The following SEC14L5 variants were observed in gnomAD, a reference collection of about 807,000 sequenced individuals.
The protein encoded by SEC14L5 is SEC14-like protein 5.
Under a neutral mutation model 84.6 loss-of-function variants are expected in SEC14L5, and 96 were observed. That is an observed-to-expected ratio of 1.13 (90% CI 0.96 to 1.34). The LOEUF (loss-of-function observed/expected upper bound fraction) is 1.34, where lower values mean the gene tolerates loss of function less well. Among genes scored for constraint, SEC14L5 ranks in the 40% most tolerant of loss-of-function variants. The pLI is 0.00. For synonymous variants in SEC14L5, 546 were observed against 383.4 expected (o/e 1.42, Z -4.95); for missense variants, 1,224 against 942.5 (o/e 1.30, Z -3.91).
At chr16:5,014,018 G>C (rs12051343) in intron 15 of SEC14L5, among the ~76,000 whole-genome samples, 3 of 152,150 alleles carry the variant, frequency 2.0e-5, no homozygotes, top group African/African-American at 7.2e-5. Flanking sequence ...AACAAGCTCC[G>C]GGCACTGCTG....
At chr16:5,006,130 G>C in intron 12 of SEC14L5, 82 bp downstream of exon 12, 1 of 1,468,956 alleles carries the variant, frequency 6.8e-7, no homozygotes, top group Non-Finnish European at 9.4e-7. Flanking sequence ...CCGGAGTGGG[G>C]CTGGGAGGTG....
intron 6 of SEC14L5, 63 bp from the exon 7 acceptor site, chr16:4,996,285 G>A: frequency 9.9e-7 from 1 of 1,009,082 alleles, no homozygotes; most frequent in East Asian, 2.6e-5. Flanking sequence ...ATGGCACACA[G>A]ACCACATGGT....
rs149895871 is a variant in SEC14L5 at position 4,974,847 on chromosome 16, G to A, written c.64-12710G>A. Among the ~76,000 whole-genome samples, 1,275 of 151,478 alleles carry A rather than the reference G, an allele frequency of 8.4e-3. 14 individuals carry two copies. Among genetic ancestry groups the A allele is most frequent in the Non-Finnish European group, 0.01 (697 of 67,852 alleles). On this transcript the variant is annotated intron_variant, in intron 2 of 15. Transcript: ENST00000251170. ...GGCTGGAGTACAGTGGTGTGATCTCGGCTCACTGCAACCTCTGCCTCCTGT... is the reference window on the plus strand; with the variant it reads ...GGCTGGAGTACAGTGGTGTGATCTCAGCTCACTGCAACCTCTGCCTCCTGT...
At position 4,996,559 on chromosome 16, in the gene SEC14L5, C is replaced by G; in HGVS notation, c.780+99C>G. On this transcript the variant is annotated intron_variant, in intron 7 of 15. Coordinates refer to ENST00000251170, the MANE Select transcript of SEC14L5 (RefSeq NM_014692.2). ...GAAAGGCGAGATGATAATGCTGACA[C>G]ATTATCTCTTGCTTATTTATTTATT... 3 of 662,864 alleles carry G rather than the reference C, an allele frequency of 4.5e-6. No homozygotes were observed. The South Asian group carries it at 5.3e-5, about 12-fold the overall frequency. 41.1% of individuals were successfully genotyped at this position (662,864 alleles called of 1,614,324 possible). A position where few individuals can be genotyped will look rare whatever the true frequency, so the allele number is the denominator to read the frequency against.
Position 5,018,106 on chromosome 16 carries a change from G to T in SEC14L5, c.*3136G>T, listed in dbSNP as rs1596651942. The T allele has an allele frequency of 3.3e-5, 5 of 152,520 alleles. No individual in the cohort carries two copies. Among genetic ancestry groups the T allele is most frequent in the Admixed American group, 2.6e-4 (4 of 15,304 alleles). 9.4% of individuals were successfully genotyped at this position (152,520 alleles called of 1,614,324 possible). ...TCTCTGTGCCTCAGTTTCCTCATCTGTAAAGTGAGGATAGCAGTGCCTACC... is the reference window on the plus strand; with the variant it reads ...TCTCTGTGCCTCAGTTTCCTCATCTTTAAAGTGAGGATAGCAGTGCCTACC... On this transcript the variant is annotated 3_prime_UTR_variant, in exon 16 of 16. Coordinates refer to ENST00000251170, the MANE Select transcript of SEC14L5 (RefSeq NM_014692.2).
In SEC14L5 at chr16:5,008,408, T is replaced by C. The variant is rs535642652; in HGVS notation, c.1573-13T>C. On this transcript the variant is annotated splice_polypyrimidine_tract_variant and intron_variant, in intron 13 of 15. Transcript: ENST00000251170. ...TCGGCCGTGACTCTCAGACCTCGCC[T>C]GTCTCCACACAGGTGGCCGTGGAGA... 1.4e-4 allele frequency: 222 copies of C among 1,595,870 alleles called. 4 individuals are homozygous for C. The South Asian group carries it at 2.3e-3, about 16-fold the overall frequency.
chr16:5,005,874 A>AAAAG, intron 11 of SEC14L5, 40 bp from the exon 12 acceptor site: 1 of 1,502,856 alleles, frequency 6.7e-7, no homozygotes. Flanking sequence ...AAAAAAAAAA[A>AAAAG]AAAAAAAACC....
At chr16:5,011,345 C>A in intron 15 of SEC14L5, 72 bp downstream of exon 15, 1 of 1,470,500 alleles carries the variant, frequency 6.8e-7, no homozygotes, top group Non-Finnish European at 9.3e-7. Flanking sequence ...GATGCCTGGC[C>A]TCCTGTCTCC....
At chr16:5,009,604 G>A (rs192971299) in intron 14 of SEC14L5, among the ~76,000 whole-genome samples, 3 of 152,228 alleles carry the variant, frequency 2.0e-5, no homozygotes, top group East Asian at 1.9e-4. Context: ...GATTAGAGGC[G>A]TGAGCCACCA....
In SEC14L5 at chr16:4,966,208, C is replaced by T. The variant is rs185286581; in HGVS notation, c.63+6822C>T. Among the ~76,000 whole-genome samples, 645 of 151,088 alleles carry T rather than the reference C, an allele frequency of 4.3e-3. 1 individual carries two copies. The highest frequency in any genetic ancestry group is 0.015 in the African/African-American group (621 of 41,132). The stretch of plus-strand genomic sequence containing the variant: ...GTGTCAATCTCCTGACCTCATAATC[C>T]GCCCTCCTCTGCCTCCCAAAGTGCT... On this transcript the variant is annotated intron_variant, in intron 2 of 15. Transcript: ENST00000251170.
intron 6 of SEC14L5, among the ~76,000 whole-genome samples, chr16:4,994,682 A>ATT (rs57838129): frequency 0.14 from 20,792 of 144,316 alleles, 1,603 homozygotes; most frequent in Middle Eastern, 0.18. Flanking sequence ...GTATGTGCAC[A>ATT]TTTTTTTTTT....
chr16:4,971,418 C>T (rs62036178), intron 2 of SEC14L5, among the ~76,000 whole-genome samples: 2,005 of 152,278 alleles, frequency 0.013, 22 homozygotes, highest in Non-Finnish European at 0.023. Flanking sequence ...GTGATCTTGC[C>T]ACTGCACTCC....
intron 2 of SEC14L5, among the ~76,000 whole-genome samples, chr16:4,983,551 C>A (rs1014521113): frequency 2.0e-5 from 3 of 149,796 alleles, no homozygotes; most frequent in Non-Finnish European, 3.0e-5. Flanking sequence ...AACATATATT[C>A]ATATATATTT....
intron 15 of SEC14L5, among the ~76,000 whole-genome samples, chr16:5,014,553 G>A (rs1955848515): frequency 6.6e-6 from 1 of 152,252 alleles, no homozygotes; most frequent in African/African-American, 2.4e-5. Flanking sequence ...AAAGAGTAAG[G>A]AGGGAGTGAG....
rs1304923255 is a variant in SEC14L5 at position 5,015,817 on chromosome 16, G to A, written c.*847G>A. 1.3e-5 allele frequency: 2 copies of A among 152,276 alleles called. No individual in the cohort carries two copies. Among genetic ancestry groups the A allele is most frequent in the Non-Finnish European group, 2.9e-5 (2 of 68,074 alleles). The allele number at this position is 152,276 out of a possible 1,614,324, so 9.4% of individuals were successfully genotyped here. A position where few individuals can be genotyped will look rare whatever the true frequency, so the allele number is the denominator to read the frequency against. On this transcript the variant is annotated 3_prime_UTR_variant, in exon 16 of 16. Coordinates refer to ENST00000251170, the MANE Select transcript of SEC14L5 (RefSeq NM_014692.2). ...TTTGTGGGGAACAGCACATCCTGAA[G>A]TGAAAATCCATGTTCCCTGCACTTG...
chr16:5,000,861 T>C lies in SEC14L5; in HGVS notation c.1066T>C (p.Ser356Pro). 1 of 1,604,866 alleles carries C rather than the reference T, an allele frequency of 6.2e-7. No homozygotes were observed. The highest frequency in any genetic ancestry group is 8.5e-7 in the Non-Finnish European group (1 of 1,175,838). ...CACTGTCTCTCCCTTCCAGGTTCTC[T>C]CCGTCAACGAGGAAGGACAGAAGCG... Reference protein sequence around the residue: ...GEEALLRHVLSVNEEGQKRCE... With the variant: ...GEEALLRHVLPVNEEGQKRCE... Residue 356 changes from serine (S) to proline (P), a missense_variant, in exon 10 of 16, where the codon TCC becomes CCC. Transcript: ENST00000251170.
chr16:5,004,046 C>T (rs533845111), intron 11 of SEC14L5, among the ~76,000 whole-genome samples: 1 of 152,360 alleles, frequency 6.6e-6, no homozygotes, highest in African/African-American at 2.4e-5. Context: ...CAGCCACTTG[C>T]ATAGTGTGGG....
At chr16:5,010,016 T>C (rs971300056) in intron 14 of SEC14L5, among the ~76,000 whole-genome samples, 2 of 151,876 alleles carry the variant, frequency 1.3e-5, no homozygotes, top group Non-Finnish European at 2.9e-5. Context: ...ATTTCTGATG[T>C]GCACTGTGGT....
chr16:4,999,174 A>T (rs1390824692), intron 8 of SEC14L5, among the ~76,000 whole-genome samples: 1 of 152,188 alleles, frequency 6.6e-6, no homozygotes, highest in Non-Finnish European at 1.5e-5. Context: ...AGCTTTCCTA[A>T]GGATGAGCAA....
Sources: gnomAD v4.1 joint callset for allele counts (sites outside exome capture counted in the v4.1 genomes callset) on GRCh38, gnomAD v4.1.1 for gene constraint, MANE v1.5 for transcripts, NCBI Gene and HGNC (gene_info 2026-07-23, HGNC 2026-07-21) for gene names.